Variants in EPHB1 observed in about 807,000 individuals in gnomAD.
EPHB1 encodes EPH receptor B1, also known as ephrin type-B receptor 1.
Under a neutral mutation model 94.4 loss-of-function variants are expected in EPHB1, and 30 were observed. The observed-to-expected ratio is 0.32, with a 90% confidence interval of 0.24 to 0.43. The LOEUF is 0.43. Among genes scored for constraint, EPHB1 ranks in the 20% least tolerant of loss-of-function variants. The probability of loss-of-function intolerance (pLI) is 1.00; values close to 1 mark genes in which losing one functional copy is unlikely to be tolerated. For missense variants in EPHB1, 1,055 were observed against 1,308.3 expected (o/e 0.81, Z 2.99); for synonymous variants, 522 against 489.1 (o/e 1.07, Z -0.89).
At chr3:135,128,698 C>A (rs746950010) in intron 4 of EPHB1, among the ~76,000 whole-genome samples, 1 of 152,134 alleles carries the variant, frequency 6.6e-6, no homozygotes, top group South Asian at 2.1e-4. Context: ...TATTAGTTTT[C>A]TCTCACTGGA....
At chr3:134,892,408 G>T (rs752942488) in intron 1 of EPHB1, among the ~76,000 whole-genome samples, 7 of 152,222 alleles carry the variant, frequency 4.6e-5, no homozygotes, top group Non-Finnish European at 1.0e-4. Context: ...GGATTCCCAG[G>T]CTGGGATGCA....
chr3:134,934,665 G>T (rs1560303909), intron 2 of EPHB1, among the ~76,000 whole-genome samples: 1 of 151,652 alleles, frequency 6.6e-6, no homozygotes, highest in African/African-American at 2.4e-5. Context: ...GAAATATATT[G>T]GATATGACTT....
At chr3:134,962,406 T>C (rs1046058469) in intron 3 of EPHB1, among the ~76,000 whole-genome samples, 1 of 152,156 alleles carries the variant, frequency 6.6e-6, no homozygotes, top group African/African-American at 2.4e-5. Context: ...CCATCTCTAG[T>C]ATCAGGACAT....
rs1941642443 is a variant in EPHB1, at chr3:135,166,024, G to C, written c.1642G>C (p.Ala548Pro). The C allele has an allele frequency of 6.2e-7, 1 of 1,613,992 alleles. No homozygotes were observed. The highest frequency in any genetic ancestry group is 8.5e-7 in the Non-Finnish European group (1 of 1,179,880). ...GCCCCTGATTGCTGGCTCGGCAGCG[G>C]CCGGGGTCGTGTTCGTTGTGTCCTT... Reference protein sequence around the residue: ...QLPLIAGSAAAGVVFVVSLVA... With the variant: ...QLPLIAGSAAPGVVFVVSLVA... Residue 548 changes from alanine (A) to proline (P), a missense_variant, in exon 8 of 16, where the codon GCC (alanine) becomes CCC (proline). By Grantham distance (27) the Ala-to-Pro change is conservative (BLOSUM62 -1). Coordinates refer to ENST00000398015, the MANE Select transcript of EPHB1 (RefSeq NM_004441.5).
At chr3:135,199,394 A>C (rs947346100) in intron 11 of EPHB1, among the ~76,000 whole-genome samples, 1 of 152,250 alleles carries the variant, frequency 6.6e-6, no homozygotes, top group Non-Finnish European at 1.5e-5. Flanking sequence ...GAAGTGTATT[A>C]GTGAGAAGGA....
intron 5 of EPHB1, among the ~76,000 whole-genome samples, chr3:135,147,916 G>T (rs1353322606): frequency 2.0e-5 from 3 of 152,092 alleles, no homozygotes; most frequent in Admixed American, 2.0e-4. Context: ...GATAAGATTT[G>T]CTGAACTCTG....
At chr3:134,930,551 C>T (rs40438) in intron 2 of EPHB1, among the ~76,000 whole-genome samples, 68,711 of 151,782 alleles carry the variant, frequency 0.45, 17,067 homozygotes, top group African/African-American at 0.66. Context: ...GCCTGAAAGA[C>T]TCCCTAACCT....
At chr3:135,154,483 G>A in intron 6 of EPHB1, 1 of 576,060 alleles carries the variant, frequency 1.7e-6, no homozygotes, top group East Asian at 3.2e-5. Flanking sequence ...CAACTAAGGA[G>A]AGAAACTTCC....
chr3:135,072,951 C>T (rs893339187), intron 3 of EPHB1, among the ~76,000 whole-genome samples: 1 of 152,134 alleles, frequency 6.6e-6, no homozygotes, highest in South Asian at 2.1e-4. Context: ...CCCATTTATT[C>T]TAAGTCTCAT....
intron 3 of EPHB1, among the ~76,000 whole-genome samples, chr3:135,031,206 G>C (rs974567081): frequency 6.6e-6 from 1 of 152,212 alleles, no homozygotes; most frequent in African/African-American, 2.4e-5. Flanking sequence ...GCTGAGAGCT[G>C]TAGACTGGAG....
At chr3:135,176,875 C>T (rs891876362) in intron 9 of EPHB1, among the ~76,000 whole-genome samples, 1 of 152,194 alleles carries the variant, frequency 6.6e-6, no homozygotes, top group Non-Finnish European at 1.5e-5. Flanking sequence ...GACAGCTTAG[C>T]ATACATCGTT....
intron 3 of EPHB1, among the ~76,000 whole-genome samples, chr3:135,000,360 C>T (rs2107742381): frequency 6.6e-6 from 1 of 152,178 alleles, no homozygotes; most frequent in Non-Finnish European, 1.5e-5. Context: ...TAGCTCAATA[C>T]AGGAAACTGA....
At chr3:135,154,472 C>G in intron 6 of EPHB1, 196 bp downstream of exon 6, 1 of 633,700 alleles carries the variant, frequency 1.6e-6, no homozygotes, top group Non-Finnish European at 2.5e-6. Flanking sequence ...ACTTTCTGTG[C>G]CAACTAAGGA....
chr3:135,160,768 A>C (rs1435593360), intron 6 of EPHB1, among the ~76,000 whole-genome samples: 2 of 152,210 alleles, frequency 1.3e-5, no homozygotes, highest in African/African-American at 2.4e-5. Flanking sequence ...GTGTGTAGAC[A>C]GTCCACAGCC....
intron 2 of EPHB1, among the ~76,000 whole-genome samples, chr3:134,929,362 G>C (rs1476356559): frequency 2.6e-5 from 4 of 152,216 alleles, no homozygotes; most frequent in Non-Finnish European, 5.9e-5. Flanking sequence ...CTGCTACTGA[G>C]AGCTGCAGAG....
intron 4 of EPHB1, among the ~76,000 whole-genome samples, chr3:135,109,586 T>A (rs1331133319): frequency 6.6e-6 from 1 of 152,196 alleles, no homozygotes; most frequent in African/African-American, 2.4e-5. Context: ...AAAGTGATGT[T>A]GTTGGGGGAG....
chr3:134,952,136 C>T, intron 3 of EPHB1, 84 bp downstream of exon 3: 1 of 1,405,178 alleles, frequency 7.1e-7, no homozygotes. Flanking sequence ...CTGGGTCATA[C>T]AGGAACAGAA....
intron 3 of EPHB1, among the ~76,000 whole-genome samples, chr3:135,058,513 A>G (rs1346018014): frequency 2.6e-5 from 4 of 152,164 alleles, no homozygotes; most frequent in Admixed American, 2.0e-4. Context: ...AGGTCTCCAC[A>G]TTGTCACTGG....
intron 2 of EPHB1, among the ~76,000 whole-genome samples, chr3:134,926,355 G>A (rs36185): frequency 0.56 from 84,937 of 152,054 alleles, 25,268 homozygotes; most frequent in African/African-American, 0.78. Context: ...TCCTTGAGGA[G>A]CTCGTGGCCT....
Sources: gnomAD v4.1 joint callset for allele counts (sites outside exome capture counted in the v4.1 genomes callset) on GRCh38, gnomAD v4.1.1 for gene constraint, MANE v1.5 for transcripts, NCBI Gene and HGNC (gene_info 2026-07-23, HGNC 2026-07-21) for gene names.